The following CPNE4 variants were observed in gnomAD, a reference collection of about 807,000 sequenced individuals.
CPNE4 encodes the protein copine 4, also known as copine-4.
CPNE4 carries 25 observed loss-of-function variants against 67.9 expected under a neutral mutation model. The observed-to-expected ratio is 0.37, with a 90% CI of 0.27 to 0.51. CPNE4 has a LOEUF of 0.51. Among genes scored for constraint, CPNE4 ranks in the 20% least tolerant of loss-of-function variants. The pLI is 0.93. For missense variants in CPNE4, 464 were observed against 690.8 expected (o/e 0.67, Z 3.68); for synonymous variants, 242 against 244.9 (o/e 0.99, Z 0.11).
chr3:131,860,991 C>T (rs2086654999), intron 2 of CPNE4, among the ~76,000 whole-genome samples: 1 of 152,214 alleles, frequency 6.6e-6, no homozygotes, highest in South Asian at 2.1e-4. Flanking sequence ...TCTGTCATCA[C>T]TGACTTTCTG....
intron 2 of CPNE4, among the ~76,000 whole-genome samples, chr3:131,744,061 ATT>A (rs71136407): frequency 0.3 from 44,619 of 150,626 alleles, 6,706 homozygotes; most frequent in Middle Eastern, 0.32. Flanking sequence ...TTATTTGAAA[ATT>A]TGTTTGAATG....
At chr3:131,951,703 C>A (rs897809486) in intron 1 of CPNE4, among the ~76,000 whole-genome samples, 19 of 152,172 alleles carry the variant, frequency 1.2e-4, no homozygotes, top group African/African-American at 4.6e-4. Flanking sequence ...CCTGCGACTG[C>A]AAGCGCGTGC....
intron 3 of CPNE4, among the ~76,000 whole-genome samples, chr3:131,723,191 ATGAG>A (rs1021664787): frequency 6.6e-6 from 1 of 152,222 alleles, no homozygotes; most frequent in African/African-American, 2.4e-5. Flanking sequence ...TGTTGAATAA[ATGAG>A]TGACACAGTG....
At chr3:131,847,351 A>G (rs573691568) in intron 2 of CPNE4, among the ~76,000 whole-genome samples, 1 of 152,274 alleles carries the variant, frequency 6.6e-6, no homozygotes, top group East Asian at 1.9e-4. Flanking sequence ...CTTTATTTTA[A>G]TATCTTTAGT....
chr3:132,007,378 G>A (rs2073637959), intron 1 of CPNE4, among the ~76,000 whole-genome samples: 1 of 152,120 alleles, frequency 6.6e-6, no homozygotes, highest in Non-Finnish European at 1.5e-5. Flanking sequence ...AGACATGTCT[G>A]CATGCCAAGT....
chr3:131,579,205 T>A (rs1236802747), intron 9 of CPNE4, among the ~76,000 whole-genome samples: 1 of 152,230 alleles, frequency 6.6e-6, no homozygotes, highest in African/African-American at 2.4e-5. Context: ...CTATATCTAC[T>A]CTGCCCATGC....
At chr3:131,542,479 T>C (rs1935558740) in intron 15 of CPNE4, 78 bp downstream of exon 15, 3 of 948,522 alleles carry the variant, frequency 3.2e-6, no homozygotes, top group Admixed American at 1.7e-5. Flanking sequence ...ACCATAAACA[T>C]TGGTGGACAA....
intron 1 of CPNE4, among the ~76,000 whole-genome samples, chr3:131,913,951 A>G (rs141164410): frequency 1.2e-3 from 186 of 152,342 alleles, no homozygotes; most frequent in African/African-American, 4.1e-3. Flanking sequence ...TGAGCACTCA[A>G]TAAATGCAAA....
At chr3:131,958,400 C>A (rs776056634) in intron 1 of CPNE4, among the ~76,000 whole-genome samples, 2 of 144,630 alleles carry the variant, frequency 1.4e-5, no homozygotes, top group Middle Eastern at 3.5e-3. Context: ...TTCCCAGGTG[C>A]CCATCCCAGA....
chr3:131,773,351 A>ATTAT (rs61694682), intron 2 of CPNE4, among the ~76,000 whole-genome samples: 1,968 of 151,376 alleles, frequency 0.013, 31 homozygotes, highest in Non-Finnish European at 0.022. Flanking sequence ...AGTTTTATTT[A>ATTAT]TTATTTATTT....
intron 11 of CPNE4, among the ~76,000 whole-genome samples, chr3:131,556,829 G>T (rs573506017): frequency 1.3e-5 from 2 of 152,180 alleles, no homozygotes; most frequent in South Asian, 4.2e-4. Context: ...TACTATAGTT[G>T]ACAGGATGGG....
Position 131,564,105 on chromosome 3 carries a change from C to T in CPNE4, c.1061+111G>A, listed in dbSNP as rs538361138. 46 of 1,291,908 alleles carry T rather than the reference C, an allele frequency of 3.6e-5. No homozygotes were observed. The South Asian group carries it at 4.6e-4, about 13-fold the overall frequency. The allele number at this position is 1,291,908 out of a possible 1,614,324, so 80.0% of individuals were successfully genotyped here. Reference sequence around the variant, plus strand: ...AGAGGGAATGAAACTTTTGAAGTCACTACATAAGGAGCTACTAGACTTAAT... The same window carrying T: ...AGAGGGAATGAAACTTTTGAAGTCATTACATAAGGAGCTACTAGACTTAAT... On this transcript the variant is annotated intron_variant, in intron 11 of 15. Transcript: ENST00000429747.
In CPNE4 at chr3:131,575,117, T is replaced by C; in HGVS notation, c.881A>G (p.His294Arg). The C allele has an allele frequency of 6.2e-7, 1 of 1,612,770 alleles. No homozygotes were observed. Among genetic ancestry groups the C allele is most frequent in the African/African-American group, 1.3e-5 (1 of 74,960 alleles). The change falls in exon 10 of 16, where the codon CAT becomes CGT. Residue 294 changes from histidine (H) to arginine (R), a missense_variant. Transcript: ENST00000429747. ...ACCCATGATGTAGTCCAAGAAAGAA[T>C]GCATCTTGTGAATCTGCATAGGAGG... ...ILNLCKIHKM[H>R]SFLDYIMGGC...
At chr3:131,996,016 T>C (rs2073282887) in intron 1 of CPNE4, among the ~76,000 whole-genome samples, 1 of 152,218 alleles carries the variant, frequency 6.6e-6, no homozygotes, top group Non-Finnish European at 1.5e-5. Flanking sequence ...GAAGTGTCAT[T>C]CCTGTGCAAT....
intron 7 of CPNE4, among the ~76,000 whole-genome samples, chr3:131,628,586 G>T (rs1181904386): frequency 6.6e-6 from 1 of 152,216 alleles, no homozygotes; most frequent in Non-Finnish European, 1.5e-5. Context: ...CCTGTTATTG[G>T]TCTATTCAGG....
At chr3:131,878,511 C>T (rs6798492) in intron 2 of CPNE4, among the ~76,000 whole-genome samples, 96,395 of 151,972 alleles carry the variant, frequency 0.63, 30,788 homozygotes, top group Admixed American at 0.72. Flanking sequence ...ATTTTGGAAG[C>T]GCTGTTGATG....
intron 8 of CPNE4, among the ~76,000 whole-genome samples, chr3:131,584,979 C>G (rs1410153430): frequency 6.6e-6 from 1 of 152,198 alleles, no homozygotes; most frequent in Non-Finnish European, 1.5e-5. Context: ...TTCTTTCACT[C>G]TCTGCTTCAG....
At chr3:131,563,839 C>T (rs965893046) in intron 11 of CPNE4, among the ~76,000 whole-genome samples, 23 of 152,024 alleles carry the variant, frequency 1.5e-4, no homozygotes, top group African/African-American at 3.9e-4. Context: ...TGTGCTTCTA[C>T]GACTCTAAAG....
At chr3:131,845,484 T>C (rs2085961253) in intron 2 of CPNE4, among the ~76,000 whole-genome samples, 1 of 152,218 alleles carries the variant, frequency 6.6e-6, no homozygotes, top group South Asian at 2.1e-4. Context: ...ACCCATTTAA[T>C]CATAGTCAAA....
Sources: gnomAD v4.1 joint callset for allele counts (sites outside exome capture counted in the v4.1 genomes callset) on GRCh38, gnomAD v4.1.1 for gene constraint, MANE v1.5 for transcripts, NCBI Gene and HGNC (gene_info 2026-07-23, HGNC 2026-07-21) for gene names.